The following CYP4F22 variants were observed in gnomAD, a reference collection of about 807,000 sequenced individuals.
The protein encoded by CYP4F22 is cytochrome P450 family 4 subfamily F member 22.
In CYP4F22, 37 loss-of-function variants were observed where a neutral mutation model predicts 60.4. The ratio of observed to expected loss-of-function variants is 0.61; its 90% CI spans 0.47 to 0.81. CYP4F22 has a LOEUF of 0.81. Ranked by LOEUF, CYP4F22 falls within the 30% of genes least tolerant of loss-of-function variation. The pLI is 0.00. For synonymous variants in CYP4F22, 258 were observed against 280.5 expected (o/e 0.92, Z 0.80); for missense variants, 655 against 715.0 (o/e 0.92, Z 0.96).
chr19:15,524,209 C>T (rs1210530364), intron 2 of CYP4F22, among the ~76,000 whole-genome samples: 1 of 152,140 alleles, frequency 6.6e-6, no homozygotes, highest in African/African-American at 2.4e-5. Flanking sequence ...CAAAAGGCTG[C>T]ATAGCATTTA....
chr19:15,527,121 C>A (rs368002016), intron 3 of CYP4F22, among the ~76,000 whole-genome samples: 3 of 152,132 alleles, frequency 2.0e-5, no homozygotes, highest in Non-Finnish European at 2.9e-5. Flanking sequence ...CCTGCTCAGG[C>A]CTTACCCTCT....
At chr19:15,517,641 T>C (rs540184269) in intron 1 of CYP4F22, among the ~76,000 whole-genome samples, 43 of 152,292 alleles carry the variant, frequency 2.8e-4, no homozygotes, top group African/African-American at 9.1e-4. Context: ...TGGGTGCGAG[T>C]TGGGGGCTCT....
intron 3 of CYP4F22, among the ~76,000 whole-genome samples, chr19:15,527,159 C>T (rs548490101): frequency 6.6e-6 from 1 of 152,258 alleles, no homozygotes; most frequent in South Asian, 2.1e-4. Context: ...CAGCCCCCTC[C>T]TTGAGTTCCT....
At chr19:15,524,843 A>G (rs1304810294) in intron 2 of CYP4F22, among the ~76,000 whole-genome samples, 1 of 152,156 alleles carries the variant, frequency 6.6e-6, no homozygotes, top group African/African-American at 2.4e-5. Flanking sequence ...GAAAAAGAAG[A>G]AAAAGAAAAA....
At chr19:15,546,869 C>A (rs1479949899) in intron 10 of CYP4F22, among the ~76,000 whole-genome samples, 1 of 151,764 alleles carries the variant, frequency 6.6e-6, no homozygotes, top group Non-Finnish European at 1.5e-5. Context: ...TGCCATCATG[C>A]CCAGCTAATT....
intron 3 of CYP4F22, among the ~76,000 whole-genome samples, chr19:15,527,581 G>A (rs1056174927): frequency 6.6e-6 from 1 of 152,234 alleles, no homozygotes; most frequent in Non-Finnish European, 1.5e-5. Flanking sequence ...GCCAGGGTCA[G>A]CTCTAAAGCC....
At chr19:15,512,177 G>A (rs866480620) in intron 1 of CYP4F22, among the ~76,000 whole-genome samples, 6 of 152,264 alleles carry the variant, frequency 3.9e-5, no homozygotes, top group Middle Eastern at 3.4e-3. Flanking sequence ...AAACCTTAGG[G>A]GGTAGGTCCT....
At chr19:15,529,359 C>T (rs553200541) in intron 3 of CYP4F22, among the ~76,000 whole-genome samples, 1 of 152,012 alleles carries the variant, frequency 6.6e-6, no homozygotes, top group Admixed American at 6.6e-5. Flanking sequence ...GAACTCCTGA[C>T]CTCAGGTGAT....
intron 1 of CYP4F22, among the ~76,000 whole-genome samples, chr19:15,517,750 A>G (rs895229131): frequency 7.2e-5 from 11 of 152,304 alleles, no homozygotes; most frequent in Admixed American, 1.3e-4. Context: ...CAGGCACTCA[A>G]TGATTCTTTG....
chr19:15,536,321 G>T (rs1450208824), intron 4 of CYP4F22, among the ~76,000 whole-genome samples: 1 of 152,220 alleles, frequency 6.6e-6, no homozygotes, highest in Middle Eastern at 3.2e-3. Flanking sequence ...CTGGGTGACA[G>T]AGTGAGACCC....
At chr19:15,548,374 T>C (rs879695804) in intron 11 of CYP4F22, 133 bp downstream of exon 11, 3 of 1,395,634 alleles carry the variant, frequency 2.1e-6, no homozygotes, top group Non-Finnish European at 3.0e-6. Flanking sequence ...TGTGTGCCTG[T>C]TGCTTCTGGG....
At chr19:15,543,572 G>A (rs1333816725) in intron 8 of CYP4F22, among the ~76,000 whole-genome samples, 4 of 151,998 alleles carry the variant, frequency 2.6e-5, no homozygotes, top group Non-Finnish European at 5.9e-5. Flanking sequence ...AGAGAGAGAG[G>A]GGAGCCAGGC....
At chr19:15,545,689 AAAG>A (rs147848925) in intron 10 of CYP4F22, among the ~76,000 whole-genome samples, 52,242 of 91,994 alleles carry the variant, frequency 0.57, 15,030 homozygotes, top group South Asian at 0.68. Context: ...AAAGAAAAGA[AAAG>A]AAGAAAAACA....
At chr19:15,513,974 G>A (rs1971125142) in intron 1 of CYP4F22, among the ~76,000 whole-genome samples, 2 of 152,172 alleles carry the variant, frequency 1.3e-5, no homozygotes. Context: ...ATCCTGTAGT[G>A]TAGTGAAAGC....
chr19:15,534,257 A>G (rs1469342973), intron 4 of CYP4F22, among the ~76,000 whole-genome samples: 2 of 152,058 alleles, frequency 1.3e-5, no homozygotes, highest in African/African-American at 4.8e-5. Flanking sequence ...AGATTGTTCT[A>G]TTTTCTCCTT....
At chr19:15,522,932 A>T (rs1248002767) in intron 1 of CYP4F22, among the ~76,000 whole-genome samples, 1 of 148,280 alleles carries the variant, frequency 6.7e-6, no homozygotes, top group African/African-American at 2.5e-5. Context: ...GCTGGTCTTG[A>T]ACTCCTGAAC....
chr19:15,549,345 T>G (rs1380233341), intron 12 of CYP4F22, 143 bp downstream of exon 12: 2 of 789,414 alleles, frequency 2.5e-6, no homozygotes, highest in East Asian at 5.3e-5. Flanking sequence ...ACCCACTGAT[T>G]GTTAATTCAT....
At chr19:15,515,233 C>T (rs1454522871) in intron 1 of CYP4F22, 9 of 667,934 alleles carry the variant, frequency 1.3e-5, no homozygotes, top group South Asian at 5.7e-5. Context: ...CTTTACCCAC[C>T]GTCTCTCGGC....
In CYP4F22 at chr19:15,525,500, G is replaced by T; in HGVS notation, c.164G>T (p.Arg55Leu). The T allele has an allele frequency of 6.2e-7, 1 of 1,613,330 alleles. No individual in the cohort carries two copies. Among genetic ancestry groups the T allele is most frequent in the African/African-American group, 1.3e-5 (1 of 75,060 alleles). ...AGGAGCTTCTACATCACCTGCCGCC[G>T]GCTGCGCTGCTTCCCCCAGCCTCCC... ...LCRSFYITCR[R>L]LRCFPQPPRR... The change falls in exon 3 of 14, where the codon CGG becomes CTG. Residue 55 changes from arginine (R) to leucine (L), a missense_variant. Transcript: ENST00000269703.
Sources: gnomAD v4.1 joint callset for allele counts (sites outside exome capture counted in the v4.1 genomes callset) on GRCh38, gnomAD v4.1.1 for gene constraint, MANE v1.5 for transcripts, NCBI Gene and HGNC (gene_info 2026-07-23, HGNC 2026-07-21) for gene names.